HIBCH: variants seen among roughly 807,000 people sequenced by gnomAD.
HIBCH encodes the protein 3-hydroxyisobutyryl-CoA hydrolase.
HIBCH carries 50 observed loss-of-function variants against 58.2 expected under a neutral mutation model. The observed-to-expected ratio is 0.86, with a 90% CI of 0.68 to 1.09. HIBCH has a LOEUF of 1.09. Ranked by LOEUF, HIBCH falls within the 50% of genes least tolerant of loss-of-function variation. The pLI is 0.00. For missense variants in HIBCH, 450 were observed against 449.7 expected, an observed-to-expected ratio of 1.00 and a Z score of -0.01; for synonymous variants, 151 against 146.9, an observed-to-expected ratio of 1.03 and a Z score of -0.20.
At position 190,311,538 on chromosome 2, in the gene HIBCH, C is replaced by T. The variant is rs183119473; in HGVS notation, c.36-742G>A. The stretch of plus-strand genomic sequence containing the variant: ...GAGGTATAAATTGGTACTGCCTTTC[C>T]GGTAAACAGTCTGGAAATACAAATC... On this transcript the variant is annotated intron_variant, in intron 1 of 13. Transcript: ENST00000359678. Among the ~76,000 whole-genome samples, 61 of 152,274 alleles carry T rather than the reference C, an allele frequency of 4.0e-4. 2 individuals are homozygous for T. The highest frequency in any genetic ancestry group is 3.3e-3 in the Admixed American group (51 of 15,296).
At position 190,260,914 on chromosome 2, in the gene HIBCH, T is replaced by C. The variant is rs528052019; in HGVS notation, c.517+242A>G. Among the ~76,000 whole-genome samples, 10 of 152,346 alleles carry C rather than the reference T, an allele frequency of 6.6e-5. No individual in the cohort carries two copies. In the South Asian group the frequency reaches 2.1e-3, roughly 32 times the overall value. ...CCTTAATGATATTTTATCTATAGTG[T>C]TAATGTTTTATTTATAGTGTGTTAA... On this transcript the variant is annotated intron_variant, in intron 7 of 13. Coordinates refer to ENST00000359678, the MANE Select transcript of HIBCH (RefSeq NM_014362.4).
At position 190,206,699 on chromosome 2, in the gene HIBCH, T is replaced by C. The variant is rs916446242; in HGVS notation, c.1046-1467A>G. Among the ~76,000 whole-genome samples, 1 of 152,242 alleles carries C rather than the reference T, an allele frequency of 6.6e-6. No homozygotes were observed. ...ACAACTGTTAAATTTGCTAACTTAC[T>C]TTAACTTGCTAATATGTTTTTATTA... is the stretch of plus-strand genomic sequence containing the variant. On this transcript the variant is annotated intron_variant, in intron 13 of 13. Coordinates refer to ENST00000359678, the MANE Select transcript of HIBCH (RefSeq NM_014362.4). The surrounding 1 kb of genome is among the most constrained non-coding windows in gnomAD (Gnocchi z 5.1).
At chr2:190,235,672 C>T (rs1417953836) in intron 11 of HIBCH, among the ~76,000 whole-genome samples, 1 of 152,172 alleles carries the variant, frequency 6.6e-6, no homozygotes, top group South Asian at 2.1e-4. Flanking sequence ...TTGTTCCTTG[C>T]TCTGCACTTT....
At position 190,204,042 on chromosome 2, in the gene HIBCH, A is replaced by C. The variant is rs1690328203; in HGVS notation, c.*1075T>G. The C allele has an allele frequency of 6.6e-6, 1 of 152,074 alleles. No homozygotes were observed. The highest frequency in any genetic ancestry group is 1.5e-5 in the Non-Finnish European group (1 of 67,948). 9.4% of individuals were successfully genotyped at this position (152,074 alleles called of 1,614,324 possible). A position where few individuals can be genotyped will look rare whatever the true frequency, so the allele number is the denominator to read the frequency against. ...ACAAAAATTACAAACAAAAAACAAA[A>C]TCATAAATTTTGTTTACTTTGTTAA... On this transcript the variant is annotated 3_prime_UTR_variant, in exon 14 of 14. Transcript: ENST00000359678.
intron 6 of HIBCH, among the ~76,000 whole-genome samples, chr2:190,278,715 G>A (rs1208096263): frequency 2.9e-5 from 4 of 138,786 alleles, no homozygotes; most frequent in Non-Finnish European, 6.1e-5. Context: ...CTCCAGCCTG[G>A]GCAAAAGAGT....
At chr2:190,317,748 C>T (rs1396320496) in intron 1 of HIBCH, among the ~76,000 whole-genome samples, 3 of 151,948 alleles carry the variant, frequency 2.0e-5, no homozygotes, top group Non-Finnish European at 4.4e-5. Context: ...GTTTGAGAAT[C>T]TAGAAGAATG....
Position 190,216,375 on chromosome 2 carries a change from C to T in HIBCH, c.892-3300G>A, listed in dbSNP as rs189595855. Among the ~76,000 whole-genome samples the T allele has an allele frequency of 6.6e-6, 1 of 152,254 alleles. No homozygotes were observed. Among genetic ancestry groups the T allele is most frequent in the East Asian group, 1.9e-4 (1 of 5,188 alleles). Reference sequence around the variant, plus strand: ...ATGGAAGGGTAAATGGATGAAATGACCATTAAGGTTTTGTTGTTGTTTTAC... The same window carrying T: ...ATGGAAGGGTAAATGGATGAAATGATCATTAAGGTTTTGTTGTTGTTTTAC... On this transcript the variant is annotated intron_variant, in intron 11 of 13. Transcript: ENST00000359678. This position sits in a 1 kb window ranked among gnomAD's most constrained non-coding sequence, Gnocchi z 4.2.
chr2:190,293,871 T>C (rs1559056983), intron 4 of HIBCH, among the ~76,000 whole-genome samples: 1 of 151,802 alleles, frequency 6.6e-6, no homozygotes, highest in Non-Finnish European at 1.5e-5. Context: ...AGAACAGACA[T>C]TTCTTCTCTT....
At position 190,261,076 on chromosome 2, in the gene HIBCH, C is replaced by T. The variant is rs1432926976; in HGVS notation, c.517+80G>A. On this transcript the variant is annotated intron_variant, in intron 7 of 13. Transcript: ENST00000359678. ...ATCTCACACAAGAGTCCATCAATTC[C>T]TTCAACAACAGTAAACTCTGAAACA... The T allele has an allele frequency of 3.8e-6, 4 of 1,056,252 alleles. No individual in the cohort carries two copies. In the Admixed American group the frequency reaches 5.4e-5, roughly 14 times the overall value. The allele number at this position is 1,056,252 out of a possible 1,614,324, so 65.4% of individuals were successfully genotyped here.
rs749657038 is a variant in HIBCH, at chr2:190,212,948, A to G, written c.1011+8T>C. Reference sequence around the variant, plus strand: ...CTAAAAAATGACATTTTTTTTTTAAATTCTTACCATACAAGCTTGACTTAG... The same window carrying G: ...CTAAAAAATGACATTTTTTTTTTAAGTTCTTACCATACAAGCTTGACTTAG... On this transcript the variant is annotated splice_region_variant and intron_variant, in intron 12 of 13. Transcript: ENST00000359678. 1.2e-5 allele frequency: 19 copies of G among 1,607,340 alleles called. No individual in the cohort carries two copies. Among genetic ancestry groups the G allele is most frequent in the Non-Finnish European group, 1.6e-5 (19 of 1,176,838 alleles).
intron 6 of HIBCH, among the ~76,000 whole-genome samples, chr2:190,267,479 G>A (rs1687274140): frequency 6.6e-6 from 1 of 152,072 alleles, no homozygotes; most frequent in Admixed American, 6.5e-5. Flanking sequence ...TTACAGGCAT[G>A]AGTCACCACA....
intron 1 of HIBCH, among the ~76,000 whole-genome samples, chr2:190,192,406 A>G (rs901892097): frequency 2.7e-5 from 4 of 150,236 alleles, no homozygotes; most frequent in Admixed American, 2.0e-4. Flanking sequence ...CTTTCTCAAA[A>G]TTGTTTTGGC....
At position 190,207,372 on chromosome 2, in the gene HIBCH, A is replaced by T. The variant is rs997652713; in HGVS notation, c.1045+1508T>A. On this transcript the variant is annotated intron_variant, in intron 13 of 13. Coordinates refer to ENST00000359678, the MANE Select transcript of HIBCH (RefSeq NM_014362.4). This position sits in a 1 kb window ranked among gnomAD's most constrained non-coding sequence, Gnocchi z 4.5. ...CCACATGCAGCAAGAATTTGCAGAG[A>T]ATTTGTGAGGAAAATGCCTATGTTA... Among the ~76,000 whole-genome samples, 1 of 152,168 alleles carries T rather than the reference A, an allele frequency of 6.6e-6. No individual in the cohort carries two copies. Among genetic ancestry groups the T allele is most frequent in the Admixed American group, 6.5e-5 (1 of 15,268 alleles).
intron 6 of HIBCH, among the ~76,000 whole-genome samples, chr2:190,265,580 G>A (rs181532366): frequency 2.0e-5 from 3 of 151,980 alleles, no homozygotes; most frequent in African/African-American, 4.8e-5. Flanking sequence ...CTGTTTCAAG[G>A]ATGTCTTGGA....
At chr2:190,212,784 G>A (rs897407302) in intron 12 of HIBCH, among the ~76,000 whole-genome samples, 172 bp downstream of exon 12, 2 of 152,148 alleles carry the variant, frequency 1.3e-5, no homozygotes, top group Non-Finnish European at 2.9e-5. Context: ...ATAACAATCT[G>A]GGTAGCAATA....
rs190783032 is a variant in HIBCH, at chr2:190,204,261, G to C, written c.*856C>G. The C allele has an allele frequency of 2.8e-4, 43 of 152,060 alleles. No homozygotes were observed. The East Asian group carries it at 8.1e-3, about 29-fold the overall frequency. 9.4% of individuals were successfully genotyped at this position (152,060 alleles called of 1,614,324 possible). On this transcript the variant is annotated 3_prime_UTR_variant, in exon 14 of 14. Coordinates refer to ENST00000359678, the MANE Select transcript of HIBCH (RefSeq NM_014362.4). Reference sequence around the variant, plus strand: ...TTTTCTCCTGACTTGAACCTTGTTTGTAAGGATAATTATCACACAAAAGTC... The same window carrying C: ...TTTTCTCCTGACTTGAACCTTGTTTCTAAGGATAATTATCACACAAAAGTC...
downstream of HIBCH, chr2:190,203,169 A>C (rs1397371963): frequency 6.0e-6 from 1 of 167,102 alleles, no homozygotes; most frequent in Non-Finnish European, 1.5e-5. Context: ...ACATAGTTTT[A>C]GAAATCGAAA....
At chr2:190,258,648 T>C (rs556322303) in intron 7 of HIBCH, among the ~76,000 whole-genome samples, 24 of 152,364 alleles carry the variant, frequency 1.6e-4, no homozygotes, top group African/African-American at 5.3e-4. Flanking sequence ...TATATTTTTG[T>C]TTTTGTTGCC....
At chr2:190,314,320 T>C (rs200165822) in intron 1 of HIBCH, among the ~76,000 whole-genome samples, 2,089 of 109,212 alleles carry the variant, frequency 0.019, 99 homozygotes, top group African/African-American at 0.052. Flanking sequence ...TGTATATATA[T>C]GTATATATGT....
Sources: gnomAD v4.1 joint callset for allele counts (sites outside exome capture counted in the v4.1 genomes callset) on GRCh38, gnomAD v4.1.1 for gene constraint, Gnocchi (gnomAD v3.1) non-coding constraint, MANE v1.5 for transcripts, NCBI Gene and HGNC (gene_info 2026-07-23, HGNC 2026-07-21) for gene names.